AACS: variants seen among roughly 807,000 people sequenced by gnomAD.
AACS encodes acetoacetyl-CoA synthetase, also known as acetoacetate-CoA ligase.
AACS carries 69 observed loss-of-function variants against 83.1 expected under a neutral mutation model. The observed-to-expected ratio is 0.83, with a 90% CI of 0.68 to 1.01. AACS has a LOEUF of 1.01. AACS is among the 50% of genes least tolerant of loss of function. The pLI, the probability that AACS is intolerant of heterozygous loss-of-function variation, is 0.00. For missense variants in AACS, 866 were observed against 882.2 expected (o/e 0.98, Z 0.23); for synonymous variants, 333 against 343.4 (o/e 0.97, Z 0.33).
chr12:125,065,665 G>A lies in AACS; in HGVS notation c.81G>A (p.Thr27=). 6.5e-7 allele frequency: 1 copy of A among 1,546,854 alleles called. No homozygotes were observed. Among genetic ancestry groups the A allele is most frequent in the Non-Finnish European group, 8.7e-7 (1 of 1,145,122 alleles). ...VMWEPDSKKN[T]QMDRFRAAVG... ...GGGAGCCTGACAGTAAGAAGAACACGCAGATGGACCGCTTCCGGGCGGCTG... is the reference window on the plus strand; with the variant it reads ...GGGAGCCTGACAGTAAGAAGAACACACAGATGGACCGCTTCCGGGCGGCTG... The change falls in exon 1 of 18, where the codon ACG becomes ACA. Residue 27 remains threonine, a synonymous_variant. Coordinates refer to ENST00000316519, the MANE Select transcript of AACS (RefSeq NM_023928.5).
rs1328426847 is a variant in AACS, at chr12:125,108,137, TAGA to T, written c.915+872_915+874del. Among the ~76,000 whole-genome samples, 7 of 152,278 alleles carry T rather than the reference TAGA, an allele frequency of 4.6e-5. No homozygotes were observed. The East Asian group carries it at 1.4e-3, about 29-fold the overall frequency. On this transcript the variant is annotated intron_variant, in intron 8 of 17. Transcript: ENST00000316519. ...ATTTGAAAGCCACTGGTTAGGTTAT[TAGA>T]AGGCTAGGTTACTAGGTTATTAGGT...
chr12:125,108,237 A>G (rs1047415711), intron 8 of AACS, among the ~76,000 whole-genome samples: 4 of 152,214 alleles, frequency 2.6e-5, no homozygotes, highest in African/African-American at 9.7e-5. Context: ...CCATAACGAA[A>G]CACCACAGGC....
At chr12:125,096,391 G>A (rs1956608765) in intron 5 of AACS, among the ~76,000 whole-genome samples, 4 of 152,200 alleles carry the variant, frequency 2.6e-5, no homozygotes, top group Admixed American at 1.3e-4. Flanking sequence ...AAGAACTCTC[G>A]GTCCATCTTA....
In AACS at chr12:125,097,078, G is replaced by A. The variant is rs1956623629; in HGVS notation, c.570+5555G>A. Among the ~76,000 whole-genome samples, 1 of 152,162 alleles carries A rather than the reference G, an allele frequency of 6.6e-6. No individual in the cohort carries two copies. On this transcript the variant is annotated intron_variant, in intron 5 of 17. Transcript: ENST00000316519. The surrounding 1 kb of genome is among the most constrained non-coding windows in gnomAD (Gnocchi z 4.3). The stretch of plus-strand genomic sequence containing the variant: ...TTGGGCAGGGTGTATGTTAGCATCA[G>A]ACGCAAGGAGGGCTAGCCCTGGTGG...
chr12:125,074,017 T>C, intron 2 of AACS, 38 bp downstream of exon 2: 1 of 1,527,626 alleles, frequency 6.5e-7, no homozygotes, highest in Non-Finnish European at 9.0e-7. Context: ...TCTCTTTTTG[T>C]GGTCGTGCTT....
chr12:125,106,399 C>T (rs886538931), intron 7 of AACS, among the ~76,000 whole-genome samples: 4 of 152,160 alleles, frequency 2.6e-5, no homozygotes, highest in African/African-American at 4.8e-5. Flanking sequence ...TGGGGGTAAG[C>T]CTAGGCACAC....
intron 16 of AACS, among the ~76,000 whole-genome samples, chr12:125,135,240 A>G (rs1359704574): frequency 3.3e-5 from 5 of 151,586 alleles, no homozygotes; most frequent in South Asian, 4.2e-4. Flanking sequence ...GATGATAGAC[A>G]TGCACCACCA....
intron 10 of AACS, chr12:125,124,407 A>G (rs796977376): frequency 4.1e-5 from 17 of 413,224 alleles, no homozygotes; most frequent in African/African-American, 3.4e-4. Flanking sequence ...CCCAAGATAC[A>G]ATACTCTGCA....
chr12:125,067,331 G>A (rs1288411814), intron 1 of AACS, among the ~76,000 whole-genome samples: 1 of 152,202 alleles, frequency 6.6e-6, no homozygotes, highest in African/African-American at 2.4e-5. Context: ...AGAAGCAGGA[G>A]GCTGCCATGT....
chr12:125,128,032 G>T, intron 12 of AACS, 129 bp from the exon 13 acceptor site: 2 of 597,148 alleles, frequency 3.3e-6, no homozygotes, highest in Non-Finnish European at 2.9e-6. Context: ...ACCTGTCTGG[G>T]ATGTTGCAGT....
chr12:125,107,024 G>A, intron 7 of AACS, 97 bp from the exon 8 acceptor site: 1 of 1,544,746 alleles, frequency 6.5e-7, no homozygotes. Flanking sequence ...GGCTTTTCTG[G>A]GGGTAGAAAC....
At chr12:125,098,049 C>CT (rs1461115272) in intron 5 of AACS, among the ~76,000 whole-genome samples, 1 of 152,084 alleles carries the variant, frequency 6.6e-6, no homozygotes, top group African/African-American at 2.4e-5. Flanking sequence ...TCTTTTTTAA[C>CT]TTTCATCACC....
rs1040717641 is a variant in AACS, at chr12:125,065,746, C to T, written c.133+29C>T. 5 of 1,508,590 alleles carry T rather than the reference C, an allele frequency of 3.3e-6. No homozygotes were observed. In the South Asian group the frequency reaches 5.1e-5, roughly 15 times the overall value. The allele number at this position is 1,508,590 out of a possible 1,614,324, so 93.5% of individuals were successfully genotyped here. A position where few individuals can be genotyped will look rare whatever the true frequency, so the allele number is the denominator to read the frequency against. On this transcript the variant is annotated intron_variant, in intron 1 of 17. Coordinates refer to ENST00000316519, the MANE Select transcript of AACS (RefSeq NM_023928.5). Reference sequence around the variant, plus strand: ...AGAGTCGGGCGCGCGGCCGGGCCTGCGGGGGATGGGCGGGAGCCGTGCAGG... The same window carrying T: ...AGAGTCGGGCGCGCGGCCGGGCCTGTGGGGGATGGGCGGGAGCCGTGCAGG...
chr12:125,092,105 G>A (rs1245705380), intron 5 of AACS, among the ~76,000 whole-genome samples: 2 of 152,136 alleles, frequency 1.3e-5, no homozygotes, highest in African/African-American at 4.8e-5. Context: ...CAGCCTATAG[G>A]TCTTTCCACG....
In AACS at chr12:125,129,601, G is replaced by C. The variant is rs1184383559; in HGVS notation, c.1549+141G>C. On this transcript the variant is annotated intron_variant, in intron 14 of 17. Transcript: ENST00000316519. This position sits in a 1 kb window ranked among gnomAD's most constrained non-coding sequence, Gnocchi z 4.3. The stretch of plus-strand genomic sequence containing the variant: ...AAGCTGCTTATAGTTCATTCCGCCA[G>C]TGGGGGGATAATGAATTTTTGATCA... The C allele has an allele frequency of 3.9e-5, 43 of 1,102,522 alleles. No individual in the cohort carries two copies. Among genetic ancestry groups the C allele is most frequent in the Non-Finnish European group, 5.4e-5 (42 of 780,498 alleles). 68.3% of individuals were successfully genotyped at this position (1,102,522 alleles called of 1,614,324 possible). A position where few individuals can be genotyped will look rare whatever the true frequency, so the allele number is the denominator to read the frequency against.
Position 125,118,691 on chromosome 12 carries a change from G to A in AACS, c.1047G>A (p.Ala349=), listed in dbSNP as rs764700947. 9.9e-6 allele frequency: 16 copies of A among 1,613,992 alleles called. No homozygotes were observed. In the Admixed American group the frequency reaches 1.2e-4, roughly 12 times the overall value. The part of the protein sequence containing the change: ...NWMVSLLATG[A]AMVLYDGSPL... The stretch of plus-strand genomic sequence containing the variant: ...TGGTGTCCCTTCTGGCCACAGGAGC[G>A]GCCATGGTCTTGTACGATGGCTCCC... Residue 349 remains alanine, a synonymous_variant, in exon 10 of 18, where the codon GCG becomes GCA. Coordinates refer to ENST00000316519, the MANE Select transcript of AACS (RefSeq NM_023928.5).
chr12:125,082,171 ATT>A lies in AACS; in HGVS notation c.359-4143_359-4142del, dbSNP rs71092271. On this transcript the variant is annotated intron_variant, in intron 3 of 17. Transcript: ENST00000316519. ...GGCATGAGCCACTGCGCCCAGCCTGATTTTTTTTTTTTTTTTTGGAGACAGGG... is the reference window on the plus strand; with the variant it reads ...GGCATGAGCCACTGCGCCCAGCCTGATTTTTTTTTTTTTTTGGAGACAGGG... Among the ~76,000 whole-genome samples, 691 of 131,856 alleles carry A rather than the reference ATT, an allele frequency of 5.2e-3. 3 individuals carry two copies. The highest frequency in any genetic ancestry group is 6.3e-3 in the African/African-American group (221 of 35,030). The allele number at this position is 131,856 out of a possible 152,430, so 86.5% of individuals were successfully genotyped here.
chr12:125,096,870 C>A (rs959718447), intron 5 of AACS, among the ~76,000 whole-genome samples: 1 of 151,890 alleles, frequency 6.6e-6, no homozygotes, highest in African/African-American at 2.4e-5. Flanking sequence ...TGTTTAGATG[C>A]CTTGTTCCAG....
chr12:125,134,192 T>A, intron 15 of AACS, 120 bp downstream of exon 15: 1 of 1,075,130 alleles, frequency 9.3e-7, no homozygotes, highest in Non-Finnish European at 1.3e-6. Context: ...CTCACTCCAC[T>A]CCAGCACCAG....
Sources: allele counts gnomAD v4.1 joint callset (sites outside exome capture counted in the v4.1 genomes callset), GRCh38; gene constraint gnomAD v4.1.1; non-coding constraint Gnocchi (gnomAD v3.1); transcripts MANE v1.5; gene names NCBI Gene and HGNC (gene_info 2026-07-23, HGNC 2026-07-21).